The following NPAS3 variants were observed in gnomAD, a reference collection of about 807,000 sequenced individuals.
The protein encoded by NPAS3 is neuronal PAS domain-containing protein 3.
NPAS3 carries 14 observed loss-of-function variants against 73.1 expected under a neutral mutation model. That is an observed-to-expected ratio of 0.19 (90% CI 0.13 to 0.30). The LOEUF (loss-of-function observed/expected upper bound fraction) is 0.30, where lower values mean the gene tolerates loss of function less well. Ranked by LOEUF, NPAS3 falls within the 10% of genes least tolerant of loss-of-function variation. The probability of loss-of-function intolerance (pLI) is 1.00; values close to 1 mark genes in which losing one functional copy is unlikely to be tolerated. For missense variants in NPAS3, 1,096 were observed against 1,250.0 expected (o/e 0.88, Z 1.86); for synonymous variants, 620 against 541.5 (o/e 1.14, Z -2.01).
At chr14:33,452,124 A>G (rs1166809320) in intron 4 of NPAS3, among the ~76,000 whole-genome samples, 1 of 152,136 alleles carries the variant, frequency 6.6e-6, no homozygotes, top group Non-Finnish European at 1.5e-5. Flanking sequence ...CAAAATCTAT[A>G]TTGGTTTAAT....
intron 2 of NPAS3, among the ~76,000 whole-genome samples, chr14:33,194,401 TACTC>T (rs769610067): frequency 6.6e-6 from 1 of 152,180 alleles, no homozygotes; most frequent in African/African-American, 2.4e-5. Flanking sequence ...AGCGAAATAT[TACTC>T]ACTAACAAAT....
At chr14:33,621,803 A>T (rs983696026) in intron 5 of NPAS3, among the ~76,000 whole-genome samples, 2 of 152,326 alleles carry the variant, frequency 1.3e-5, no homozygotes, top group Admixed American at 6.5e-5. Context: ...GGCGAAATTC[A>T]CACACATCCT....
intron 7 of NPAS3, among the ~76,000 whole-genome samples, chr14:33,770,843 TGAGCCGA>T (rs1255659713): frequency 1.3e-5 from 2 of 151,592 alleles, no homozygotes; most frequent in Admixed American, 1.3e-4. Flanking sequence ...GTGGTTGCAG[TGAGCCGA>T]GATCACACCA....
intron 1 of NPAS3, among the ~76,000 whole-genome samples, chr14:32,952,094 T>G (rs2139149370): frequency 6.6e-6 from 1 of 152,178 alleles, no homozygotes; most frequent in African/African-American, 2.4e-5. Context: ...TGTGTGTAGA[T>G]TATACATATA....
At chr14:33,672,539 A>C (rs1454914372) in intron 5 of NPAS3, among the ~76,000 whole-genome samples, 1 of 152,138 alleles carries the variant, frequency 6.6e-6, no homozygotes, top group Non-Finnish European at 1.5e-5. Context: ...ATTGGATTGG[A>C]GCTCTATTTA....
At chr14:33,436,666 A>G (rs1425056748) in intron 4 of NPAS3, among the ~76,000 whole-genome samples, 2 of 152,202 alleles carry the variant, frequency 1.3e-5, no homozygotes, top group Non-Finnish European at 2.9e-5. Flanking sequence ...TTTCTCCCAC[A>G]TATTCAAGCA....
At chr14:33,502,504 A>C (rs2052566676) in intron 4 of NPAS3, among the ~76,000 whole-genome samples, 1 of 151,870 alleles carries the variant, frequency 6.6e-6, no homozygotes, top group African/African-American at 2.4e-5. Flanking sequence ...TGTATCTTTG[A>C]CTTCGTGTGT....
intron 1 of NPAS3, among the ~76,000 whole-genome samples, chr14:33,051,956 T>C (rs2040725951): frequency 6.6e-6 from 1 of 152,162 alleles, no homozygotes; most frequent in South Asian, 2.1e-4. Context: ...AGTCAGAGTT[T>C]CACCGTGTTA....
At chr14:33,308,510 TTA>T (rs67518761) in intron 3 of NPAS3, among the ~76,000 whole-genome samples, 1,498 of 83,486 alleles carry the variant, frequency 0.018, 131 homozygotes, top group African/African-American at 0.076. Context: ...ATTGCATAGT[TTA>T]TATATATATA....
intron 5 of NPAS3, among the ~76,000 whole-genome samples, chr14:33,570,405 A>G (rs1483522122): frequency 6.6e-6 from 1 of 152,152 alleles, no homozygotes; most frequent in Admixed American, 6.5e-5. Flanking sequence ...TGTCCTGTCT[A>G]CATAACTGTG....
intron 3 of NPAS3, among the ~76,000 whole-genome samples, chr14:33,282,828 T>C (rs2041684169): frequency 6.6e-6 from 1 of 152,172 alleles, no homozygotes; most frequent in Non-Finnish European, 1.5e-5. Flanking sequence ...CCATCACATA[T>C]GCAGACGGCT....
chr14:33,602,506 C>G (rs1192958870), intron 5 of NPAS3, among the ~76,000 whole-genome samples: 2 of 152,238 alleles, frequency 1.3e-5, no homozygotes, highest in Non-Finnish European at 2.9e-5. Flanking sequence ...CTCAGTCCCT[C>G]ATGGTGGGTG....
intron 3 of NPAS3, among the ~76,000 whole-genome samples, chr14:33,358,560 G>A (rs1156530059): frequency 6.6e-6 from 1 of 152,140 alleles, no homozygotes; most frequent in African/African-American, 2.4e-5. Context: ...TTCTGGTTCT[G>A]GCAGTACCTT....
intron 4 of NPAS3, among the ~76,000 whole-genome samples, chr14:33,420,780 C>T (rs887599830): frequency 2.6e-5 from 4 of 151,798 alleles, no homozygotes; most frequent in African/African-American, 9.7e-5. Flanking sequence ...TTGTTTATGC[C>T]ATAATGTGAA....
upstream of NPAS3, among the ~76,000 whole-genome samples, chr14:32,938,631 T>C (rs917974777): frequency 2.0e-5 from 3 of 151,102 alleles, no homozygotes; most frequent in African/African-American, 7.3e-5. Flanking sequence ...CCCCCGCGTG[T>C]CCTCCCCCTT....
chr14:33,724,785 T>C (rs2140568289), intron 6 of NPAS3, among the ~76,000 whole-genome samples: 1 of 152,016 alleles, frequency 6.6e-6, no homozygotes, highest in South Asian at 2.1e-4. Context: ...GTGGCAATAA[T>C]ATGAACACCA....
rs113475340 is a variant in NPAS3, at chr14:33,395,695, C to T, written c.468+28427C>T. Among the ~76,000 whole-genome samples, 756 of 152,232 alleles carry T rather than the reference C, an allele frequency of 5.0e-3. 6 individuals carry two copies. Among genetic ancestry groups the T allele is most frequent in the African/African-American group, 0.017 (726 of 41,554 alleles). ...ACCCAGTTCCACTATTTCAATAGCTCCCTCCTTGTTCTGTCAGGTCCCCTG... is the reference window on the plus strand; with the variant it reads ...ACCCAGTTCCACTATTTCAATAGCTTCCTCCTTGTTCTGTCAGGTCCCCTG... On this transcript the variant is annotated intron_variant, in intron 4 of 11. Coordinates refer to ENST00000356141, the Ensembl canonical transcript of NPAS3.
At chr14:33,767,132 GT>G (rs1368248863) in intron 7 of NPAS3, among the ~76,000 whole-genome samples, 2 of 152,238 alleles carry the variant, frequency 1.3e-5, no homozygotes, top group East Asian at 1.9e-4. Context: ...ATTGGTATTT[GT>G]TTTTTCAGGC....
chr14:33,604,651 A>C (rs2057501080), intron 5 of NPAS3, among the ~76,000 whole-genome samples: 1 of 152,140 alleles, frequency 6.6e-6, no homozygotes, highest in African/African-American at 2.4e-5. Flanking sequence ...AGCAGAGTAC[A>C]CATTCTTCTC....
Sources: allele counts gnomAD v4.1 joint callset (sites outside exome capture counted in the v4.1 genomes callset), GRCh38; gene constraint gnomAD v4.1.1; transcripts MANE v1.5; gene names NCBI Gene and HGNC (gene_info 2026-07-23, HGNC 2026-07-21).